Variants in PDE4DIP observed in about 807,000 individuals in gnomAD.
PDE4DIP encodes phosphodiesterase 4D interacting protein, also known as myomegalin.
PDE4DIP carries 59 observed loss-of-function variants against 221.4 expected under a neutral mutation model. That is an observed-to-expected ratio of 0.27 (90% CI 0.22 to 0.33). PDE4DIP has a LOEUF of 0.33. Ranked by LOEUF, PDE4DIP falls within the 10% of genes least tolerant of loss-of-function variation. PDE4DIP has a pLI of 1.00. For missense variants in PDE4DIP, 1,036 were observed against 2,154.2 expected (o/e 0.48, Z 10.28); for synonymous variants, 404 against 815.9 (o/e 0.50, Z 8.60).
chr1:148,955,750 T>A (rs1398876056), intron 5 of PDE4DIP, among the ~76,000 whole-genome samples: 9 of 152,190 alleles, frequency 5.9e-5, no homozygotes, highest in Non-Finnish European at 1.5e-5. Flanking sequence ...CTATGGTAAC[T>A]GTATCTTCAG....
At chr1:148,844,236 C>T (rs1631027) in intron 1 of PDE4DIP, 192 bp from the exon 1 acceptor site, 2 of 133,466 alleles carry the variant, frequency 1.5e-5, no homozygotes, top group Admixed American at 8.5e-5. Flanking sequence ...GGCTTGGTAC[C>T]GCGTCCTCTA....
exon 33 of PDE4DIP, chr1:149,016,299 G>T: frequency 6.2e-7 from 1 of 1,613,802 alleles, no homozygotes; most frequent in Non-Finnish European, 8.5e-7. Flanking sequence ...TTCTGCCCAG[G>T]TGCCAGCACT....
At chr1:149,014,056 G>C (rs1194633464) in intron 32 of PDE4DIP, among the ~76,000 whole-genome samples, 2 of 151,772 alleles carry the variant, frequency 1.3e-5, no homozygotes, top group African/African-American at 4.8e-5. Flanking sequence ...TGAAAGTGCA[G>C]GGATTACAGG....
At chr1:148,929,521 G>A (rs2047379727) in intron 2 of PDE4DIP, 1 of 431,304 alleles carries the variant, frequency 2.3e-6, no homozygotes, top group Non-Finnish European at 4.3e-6. Context: ...CTATCAGTCA[G>A]CAATCAACTA....
At chr1:148,821,438 G>C (rs1252082769) in intron 1 of PDE4DIP, among the ~76,000 whole-genome samples, 12 of 150,698 alleles carry the variant, frequency 8.0e-5, no homozygotes, top group Admixed American at 7.9e-4. Context: ...TAAAGGCTCA[G>C]TGAGGACGTA....
intron 4 of PDE4DIP, among the ~76,000 whole-genome samples, chr1:148,937,425 A>C (rs1553475700): frequency 6.6e-6 from 1 of 152,176 alleles, no homozygotes; most frequent in Non-Finnish European, 1.5e-5. Flanking sequence ...CGTTTATTGA[A>C]TGGAACAGCC....
rs111824967 is a variant in PDE4DIP, at chr1:149,006,867, A to AT, written c.4416-326dup. On this transcript the variant is annotated intron_variant, in intron 27 of 43. Transcript: ENST00000369354. Reference sequence around the variant, plus strand: ...AGGCATGTGCCACTATGCTCAGCTCATTTTTTTTGTATTTTTAGTAGAGGC... The same window carrying AT: ...AGGCATGTGCCACTATGCTCAGCTCATTTTTTTTTGTATTTTTAGTAGAGGC... Among the ~76,000 whole-genome samples the AT allele has an allele frequency of 1.1e-3, 122 of 113,328 alleles. 1 individual carries two copies. The highest frequency in any genetic ancestry group is 1.4e-3 in the Non-Finnish European group (78 of 55,254). 74.3% of individuals were successfully genotyped at this position (113,328 alleles called of 152,430 possible). A position where few individuals can be genotyped will look rare whatever the true frequency, so the allele number is the denominator to read the frequency against.
chr1:149,000,253 A>G (rs1173859900), intron 23 of PDE4DIP, among the ~76,000 whole-genome samples: 2 of 152,176 alleles, frequency 1.3e-5, no homozygotes, highest in African/African-American at 4.8e-5. Flanking sequence ...TCAGTTTAGC[A>G]TGCTTAAGAA....
At chr1:148,822,559 G>A (rs1407559098) in intron 1 of PDE4DIP, among the ~76,000 whole-genome samples, 2 of 151,282 alleles carry the variant, frequency 1.3e-5, no homozygotes, top group African/African-American at 4.9e-5. Context: ...TGTCTTCCTT[G>A]AAAATGGTTC....
intron 9 of PDE4DIP, 102 bp from the exon 13 acceptor site, chr1:148,965,382 C>T (rs1437169670): frequency 4.0e-6 from 3 of 757,016 alleles, no homozygotes; most frequent in Non-Finnish European, 6.6e-6. Flanking sequence ...GCACCCTCTG[C>T]TCCTCTTTCA....
rs781855759 is a variant in PDE4DIP, at chr1:149,005,461, C to T, written c.4415+24C>T. On this transcript the variant is annotated intron_variant, in intron 27 of 43. Transcript: ENST00000369354. ...GGGTAAGGATGGCACTGTTTGGGTA[C>T]TTTCTTGATTGAAAATGTGTAAGTT... The T allele has an allele frequency of 2.1e-6, 3 of 1,435,016 alleles. No homozygotes were observed. In the African/African-American group the frequency reaches 4.3e-5, roughly 20 times the overall value. The allele number at this position is 1,435,016 out of a possible 1,614,324, so 88.9% of individuals were successfully genotyped here.
At chr1:148,956,459 T>C (rs1553502547) in intron 5 of PDE4DIP, among the ~76,000 whole-genome samples, 1 of 152,158 alleles carries the variant, frequency 6.6e-6, no homozygotes, top group Non-Finnish European at 1.5e-5. Context: ...CTTACTGATA[T>C]TCTGATATTA....
At chr1:148,887,253 T>C (rs1239009720), upstream of PDE4DIP, among the ~76,000 whole-genome samples, 2 of 137,794 alleles carry the variant, frequency 1.5e-5, no homozygotes, top group East Asian at 4.3e-4. Context: ...TGGCTCCCCT[T>C]GAGCAAAATG....
At chr1:148,970,942 TC>T (rs2059100663) in intron 14 of PDE4DIP, among the ~76,000 whole-genome samples, 1 of 152,152 alleles carries the variant, frequency 6.6e-6, no homozygotes, top group Non-Finnish European at 1.5e-5. Flanking sequence ...GAGCTCAGCT[TC>T]TGCCCTAAAA....
intron 33 of PDE4DIP, 125 bp from the exon 37 acceptor site, chr1:149,017,623 A>G: frequency 1.6e-6 from 1 of 614,874 alleles, no homozygotes; most frequent in Non-Finnish European, 2.9e-6. Context: ...GAGAGGACAC[A>G]GTTGGCAGAA....
chr1:148,950,739 A>G (rs781831118), intron 5 of PDE4DIP, among the ~76,000 whole-genome samples: 4 of 151,270 alleles, frequency 2.6e-5, no homozygotes, highest in Non-Finnish European at 5.9e-5. Context: ...CCCATGAGGG[A>G]TCTGCCCCCC....
At chr1:148,953,897 C>T (rs144941470) in intron 5 of PDE4DIP, 35 of 1,612,066 alleles carry the variant, frequency 2.2e-5, no homozygotes, top group Middle Eastern at 1.7e-4. Context: ...TTTGCCGCTC[C>T]GGGTCCAGGT....
intron 2 of PDE4DIP, chr1:148,866,634 A>G (rs1378151019): frequency 3.2e-5 from 1 of 30,928 alleles, no homozygotes; most frequent in Non-Finnish European, 5.5e-5. Flanking sequence ...GGGAGGGGGA[A>G]GGGAGGGGAG....
At chr1:148,965,117 A>T (rs1375747913) in intron 9 of PDE4DIP, among the ~76,000 whole-genome samples, 4 of 152,124 alleles carry the variant, frequency 2.6e-5, no homozygotes, top group Non-Finnish European at 4.4e-5. Context: ...ACTAAGAAAG[A>T]AGAGTGATGG....
Sources: allele counts gnomAD v4.1 joint callset (sites outside exome capture counted in the v4.1 genomes callset), GRCh38; gene constraint gnomAD v4.1.1; transcripts MANE v1.5; gene names NCBI Gene and HGNC (gene_info 2026-07-23, HGNC 2026-07-21).